Variants in PYROXD1 observed in about 807,000 individuals in gnomAD.
PYROXD1 encodes the protein pyridine nucleotide-disulphide oxidoreductase domain 1.
PYROXD1 carries 42 observed loss-of-function variants against 62.0 expected under a neutral mutation model. That is an observed-to-expected ratio of 0.68 (90% CI 0.53 to 0.88). The LOEUF is 0.88. Among genes scored for constraint, PYROXD1 ranks in the 40% least tolerant of loss-of-function variants. The pLI is 0.00. For synonymous variants in PYROXD1, 170 were observed against 206.4 expected, an observed-to-expected ratio of 0.82 and a Z score of 1.51; for missense variants, 493 against 604.8, an observed-to-expected ratio of 0.82 and a Z score of 1.94.
intron 1 of PYROXD1, 68 bp from the exon 2 acceptor site, chr12:21,440,300 C>A: frequency 2.3e-6 from 2 of 862,400 alleles, no homozygotes; most frequent in East Asian, 2.5e-5. Flanking sequence ...TATTCTCAAC[C>A]CCAAACCATA....
intron 2 of PYROXD1, 68 bp downstream of exon 2, chr12:21,440,516 G>A: frequency 1.2e-6 from 1 of 826,756 alleles, no homozygotes. Context: ...TAGCAGTTAG[G>A]GTAATTGTGT....
chr12:21,449,751 A>G, intron 4 of PYROXD1, 60 bp downstream of exon 4: 2 of 1,461,224 alleles, frequency 1.4e-6, no homozygotes, highest in Non-Finnish European at 1.9e-6. Flanking sequence ...CATTTGAATT[A>G]AAGTGTTCCA....
chr12:21,459,266 A>G (rs1428058985), intron 7 of PYROXD1, among the ~76,000 whole-genome samples: 4 of 152,186 alleles, frequency 2.6e-5, no homozygotes, highest in Admixed American at 1.3e-4. Flanking sequence ...TCAGTCACCT[A>G]CATAACACAG....
rs527676912 is a variant in PYROXD1, at chr12:21,470,023, A to G, written c.*1269A>G. The stretch of plus-strand genomic sequence containing the variant: ...GAAAATTATATAATTCATGATCTCT[A>G]ATTTTCAAACATTCTCAAAAGTTTA... On this transcript the variant is annotated 3_prime_UTR_variant, in exon 12 of 12. Coordinates refer to ENST00000240651, the MANE Select transcript of PYROXD1 (RefSeq NM_024854.5). 7 of 774,556 alleles carry G rather than the reference A, an allele frequency of 9.0e-6. No individual in the cohort carries two copies. In the African/African-American group the frequency reaches 9.1e-5, roughly 10 times the overall value. 48.0% of individuals were successfully genotyped at this position (774,556 alleles called of 1,614,324 possible).
Position 21,452,064 on chromosome 12 carries a change from T to C in PYROXD1, c.415-17T>C, listed in dbSNP as rs754019220. On this transcript the variant is annotated splice_polypyrimidine_tract_variant and intron_variant, in intron 4 of 11. Coordinates refer to ENST00000240651, the MANE Select transcript of PYROXD1 (RefSeq NM_024854.5). ...ACTATTACAAAATACTACCTCATTA[T>C]TTTCTTTTTAACATAGGAATTTCAG... The C allele has an allele frequency of 6.7e-7, 1 of 1,495,074 alleles. No homozygotes were observed. The highest frequency in any genetic ancestry group is 9.2e-7 in the Non-Finnish European group (1 of 1,086,064). The allele number at this position is 1,495,074 out of a possible 1,614,324, so 92.6% of individuals were successfully genotyped here.
rs758238521 is a variant in PYROXD1, at chr12:21,468,778, T to C, written c.*24T>C. The stretch of plus-strand genomic sequence containing the variant: ...AAAAATGGAATTTCTTCAGGAATCA[T>C]ATAAAGTTCCAAATGACACCAGAAA... On this transcript the variant is annotated 3_prime_UTR_variant, in exon 12 of 12. Coordinates refer to ENST00000240651, the MANE Select transcript of PYROXD1 (RefSeq NM_024854.5). The C allele has an allele frequency of 1.8e-5, 29 of 1,589,846 alleles. No individual in the cohort carries two copies. Among genetic ancestry groups the C allele is most frequent in the Non-Finnish European group, 2.4e-5 (28 of 1,164,790 alleles).
chr12:21,445,868 G>C (rs1205329513), intron 3 of PYROXD1, among the ~76,000 whole-genome samples: 4 of 152,118 alleles, frequency 2.6e-5, no homozygotes, highest in African/African-American at 9.7e-5. Flanking sequence ...TCAAAGCTCT[G>C]ATATCAGGGC....
chr12:21,449,488 TTTTAG>T (rs1484547252), intron 3 of PYROXD1, 70 bp from the exon 4 acceptor site: 1 of 1,460,732 alleles, frequency 6.8e-7, no homozygotes, highest in Non-Finnish European at 9.3e-7. Context: ...CTTATTGAAT[TTTTAG>T]TTTAAAGTGA....
chr12:21,437,672 G>C lies in PYROXD1; in HGVS notation c.-59G>C, dbSNP rs545387804. 14 of 1,532,090 alleles carry C rather than the reference G, an allele frequency of 9.1e-6. No individual in the cohort carries two copies. The highest frequency in any genetic ancestry group is 1.2e-5 in the Non-Finnish European group (14 of 1,123,096). The allele number at this position is 1,532,090 out of a possible 1,614,324, so 94.9% of individuals were successfully genotyped here. A position where few individuals can be genotyped will look rare whatever the true frequency, so the allele number is the denominator to read the frequency against. On this transcript the variant is annotated 5_prime_UTR_variant, in exon 1 of 12. Transcript: ENST00000240651. ...CGCCTCGCGGCTGCTTCCTCTCCTG[G>C]AGTCCAGAGTCCCGTTGCTCCGCCG...
At chr12:21,454,181 T>C (rs74067180) in intron 5 of PYROXD1, among the ~76,000 whole-genome samples, 121 of 152,192 alleles carry the variant, frequency 8.0e-4, no homozygotes, top group African/African-American at 2.7e-3. Context: ...TGAAAAGTCG[T>C]GTAACCTATG....
rs1279085520 is a variant in PYROXD1 at position 21,445,591 on chromosome 12, C to A, written c.285+125C>A. On this transcript the variant is annotated intron_variant, in intron 3 of 11. Coordinates refer to ENST00000240651, the MANE Select transcript of PYROXD1 (RefSeq NM_024854.5). ...GTTTTTAACATGTAAAGTTTAGTGA[C>A]ATTGATTTCCAGTATTATTAGAAAA... The A allele has an allele frequency of 1.6e-5, 14 of 902,210 alleles. No individual in the cohort carries two copies. In the African/African-American group the frequency reaches 1.9e-4, roughly 12 times the overall value. 55.9% of individuals were successfully genotyped at this position (902,210 alleles called of 1,614,324 possible).
In PYROXD1 at chr12:21,437,891, C is replaced by T. The variant is rs755390322; in HGVS notation, c.84+77C>T. ...AGCACTGGAGGCCTTCCTCCCACCC[C>T]CTCCCTTTTTCTTCTTCCGGGTTCC... On this transcript the variant is annotated intron_variant, in intron 1 of 11. Transcript: ENST00000240651. The T allele has an allele frequency of 6.9e-6, 9 of 1,306,668 alleles. No homozygotes were observed. In the African/African-American group the frequency reaches 8.9e-5, roughly 13 times the overall value. The allele number at this position is 1,306,668 out of a possible 1,614,324, so 80.9% of individuals were successfully genotyped here.
Position 21,462,049 on chromosome 12 carries a change from T to C in PYROXD1, c.922T>C (p.Tyr308His), listed in dbSNP as rs376801179. 13 of 1,612,410 alleles carry C rather than the reference T, an allele frequency of 8.1e-6. No homozygotes were observed. The highest frequency in any genetic ancestry group is 2.7e-5 in the African/African-American group (2 of 74,874). The change falls in exon 9 of 12, where the codon TAT becomes CAT. Residue 308 changes from tyrosine to histidine, a missense_variant. Transcript: ENST00000240651. ...VYVELTNEKIYGCDFIVSATG... is the reference protein window; with the variant it reads ...VYVELTNEKIHGCDFIVSATG... ...TGTGGAATTGACCAATGAAAAGATA[T>C]ATGGCTGCGATTTCATTGTCAGTGC...
At chr12:21,452,050 A>G (rs1942509163) in intron 4 of PYROXD1, 31 bp from the exon 5 acceptor site, 1 of 1,347,172 alleles carries the variant, frequency 7.4e-7, no homozygotes, top group South Asian at 1.3e-5. Context: ...CTATTACAAA[A>G]TACTACCTCA....
At chr12:21,445,583 TTTAGTGACA>T in intron 3 of PYROXD1, 117 bp downstream of exon 3, 1 of 985,276 alleles carries the variant, frequency 1.0e-6, no homozygotes, top group South Asian at 2.4e-5. Context: ...ACATGTAAAG[TTTAGTGACA>T]TTGATTTCCA....
intron 7 of PYROXD1, among the ~76,000 whole-genome samples, chr12:21,458,451 A>G (rs887146416): frequency 3.3e-5 from 5 of 152,228 alleles, no homozygotes; most frequent in Non-Finnish European, 7.3e-5. Flanking sequence ...GTTCATTGGA[A>G]TACCACTTTA....
At chr12:21,464,137 G>GTT (rs34682004) in intron 10 of PYROXD1, among the ~76,000 whole-genome samples, 81 of 146,874 alleles carry the variant, frequency 5.5e-4, no homozygotes, top group African/African-American at 1.4e-3. Flanking sequence ...GAGTTTATGG[G>GTT]TTTTTTTTTT....
intron 9 of PYROXD1, 65 bp from the exon 10 acceptor site, chr12:21,462,675 C>CTT: frequency 6.4e-7 from 1 of 1,561,086 alleles, no homozygotes; most frequent in East Asian, 2.2e-5. Context: ...TGTTCTTTTA[C>CTT]TTTAAAATGG....
chr12:21,437,892 CT>C (rs1950813965), intron 1 of PYROXD1, 78 bp downstream of exon 1: 3 of 1,273,860 alleles, frequency 2.4e-6, no homozygotes, highest in Admixed American at 5.3e-5. Flanking sequence ...CTCCCACCCC[CT>C]CCCTTTTTCT....
Sources: gnomAD v4.1 joint callset for allele counts (sites outside exome capture counted in the v4.1 genomes callset) on GRCh38, gnomAD v4.1.1 for gene constraint, MANE v1.5 for transcripts, NCBI Gene and HGNC (gene_info 2026-07-23, HGNC 2026-07-21) for gene names.